The following SELENOF variants were observed in gnomAD, a reference collection of about 807,000 sequenced individuals.
The protein encoded by SELENOF is selenoprotein F.
SELENOF carries 16 observed loss-of-function variants against 20.5 expected under a neutral mutation model. That is an observed-to-expected ratio of 0.78 (90% CI 0.53 to 1.19). The LOEUF is 1.19. Among genes scored for constraint, SELENOF ranks in the 50% most tolerant of loss-of-function variants. The probability of loss-of-function intolerance (pLI) is 0.00; values close to 1 mark genes in which losing one functional copy is unlikely to be tolerated. For missense variants in SELENOF, 215 were observed against 194.2 expected, an observed-to-expected ratio of 1.11 and a Z score of -0.64; for synonymous variants, 78 against 74.5, an observed-to-expected ratio of 1.05 and a Z score of -0.24.
chr1:86,878,593 A>G (rs1275109241), intron 3 of SELENOF, among the ~76,000 whole-genome samples: 1 of 152,224 alleles, frequency 6.6e-6, no homozygotes, highest in Non-Finnish European at 1.5e-5. Flanking sequence ...GAGGCAGGAG[A>G]ATCACTTGAA....
chr1:86,864,563 G>A (rs1244606563), intron 4 of SELENOF, among the ~76,000 whole-genome samples: 1 of 151,886 alleles, frequency 6.6e-6, no homozygotes, highest in African/African-American at 2.4e-5. Context: ...CAACCCATTT[G>A]TGGAGTTTAG....
intron 2 of SELENOF, among the ~76,000 whole-genome samples, chr1:86,889,959 C>T (rs565469): frequency 0.26 from 39,430 of 152,114 alleles, 6,309 homozygotes; most frequent in African/African-American, 0.45. Context: ...TATTCCCCTC[C>T]GCCTTATCAA....
chr1:86,880,562 T>A (rs894452583), intron 3 of SELENOF, 100 bp downstream of exon 3: 90 of 612,340 alleles, frequency 1.5e-4, no homozygotes, highest in Middle Eastern at 4.0e-4. Flanking sequence ...GAAAGTATAA[T>A]CCTAAAAATT....
chr1:86,866,181 A>T (rs1199207040), intron 4 of SELENOF, among the ~76,000 whole-genome samples: 1 of 132,580 alleles, frequency 7.5e-6, no homozygotes, highest in South Asian at 2.5e-4. Flanking sequence ...TGGGTGACAG[A>T]GTAAGACCAT....
chr1:86,870,382 C>A (rs1440689716), intron 3 of SELENOF, among the ~76,000 whole-genome samples: 1 of 152,152 alleles, frequency 6.6e-6, no homozygotes. Flanking sequence ...TCCAGATATT[C>A]TGCAAACTCC....
intron 2 of SELENOF, among the ~76,000 whole-genome samples, chr1:86,886,760 G>C (rs1313715484): frequency 1.3e-5 from 2 of 151,954 alleles, no homozygotes; most frequent in African/African-American, 4.8e-5. Context: ...TCATATCTGA[G>C]GAATAACTGT....
At chr1:86,908,895 T>G (rs749393816) in intron 1 of SELENOF, among the ~76,000 whole-genome samples, 1 of 152,262 alleles carries the variant, frequency 6.6e-6, no homozygotes, top group Non-Finnish European at 1.5e-5. Flanking sequence ...CGATGTATTT[T>G]CAGATTAAAT....
rs1045434798 is a variant in SELENOF at position 86,903,519 on chromosome 1, C to A, written c.85-71G>T. Reference sequence around the variant, plus strand: ...TACAAAGCTTTCCAAAAAGAGAACACGGGGTTGTCAAAAACTAACACATTG... The same window carrying A: ...TACAAAGCTTTCCAAAAAGAGAACAAGGGGTTGTCAAAAACTAACACATTG... On this transcript the variant is annotated intron_variant, in intron 1 of 4. Transcript: ENST00000331835. 4 of 1,214,090 alleles carry A rather than the reference C, an allele frequency of 3.3e-6. No homozygotes were observed. The African/African-American group carries it at 6.3e-5, about 19-fold the overall frequency. The allele number at this position is 1,214,090 out of a possible 1,614,324, so 75.2% of individuals were successfully genotyped here. A position where few individuals can be genotyped will look rare whatever the true frequency, so the allele number is the denominator to read the frequency against.
intron 3 of SELENOF, among the ~76,000 whole-genome samples, chr1:86,877,719 T>G (rs1366108826): frequency 6.6e-6 from 1 of 152,212 alleles, no homozygotes; most frequent in Non-Finnish European, 1.5e-5. Flanking sequence ...ATACAGAGGT[T>G]GCCAAACGGA....
chr1:86,901,324 T>C (rs1413327207), intron 2 of SELENOF, among the ~76,000 whole-genome samples: 1 of 152,180 alleles, frequency 6.6e-6, no homozygotes, highest in Non-Finnish European at 1.5e-5. Context: ...TGCATGTGGT[T>C]TGCATCTAAA....
intron 3 of SELENOF, among the ~76,000 whole-genome samples, chr1:86,871,014 C>A (rs997272196): frequency 2.0e-5 from 3 of 151,944 alleles, no homozygotes; most frequent in African/African-American, 7.3e-5. Context: ...TTCATCAGTT[C>A]TTTCCTTTTC....
intron 3 of SELENOF, among the ~76,000 whole-genome samples, chr1:86,872,995 A>C (rs1296696936): frequency 6.6e-6 from 1 of 151,776 alleles, no homozygotes; most frequent in Admixed American, 6.6e-5. Context: ...AGCCAAAATC[A>C]CTGCAAGCGC....
At chr1:86,893,963 A>G (rs530474119) in intron 2 of SELENOF, among the ~76,000 whole-genome samples, 33 of 152,216 alleles carry the variant, frequency 2.2e-4, no homozygotes, top group Non-Finnish European at 4.0e-4. Flanking sequence ...AATATTGAAG[A>G]TAAGTGTTTT....
At chr1:86,901,593 C>T (rs561339090) in intron 2 of SELENOF, among the ~76,000 whole-genome samples, 72 of 152,302 alleles carry the variant, frequency 4.7e-4, no homozygotes, top group African/African-American at 1.7e-3. Context: ...ATCACTCCAG[C>T]TTGTAATTAG....
rs548190538 is a variant in SELENOF, at chr1:86,898,603, A to G, written c.252+4678T>C. 3.8e-3 allele frequency among the ~76,000 whole-genome samples: 525 copies of G among 137,138 alleles called. 2 individuals carry two copies. The highest frequency in any genetic ancestry group is 0.014 in the African/African-American group (510 of 36,220). 90.0% of individuals were successfully genotyped at this position (137,138 alleles called of 152,430 possible). ...TTCTTTTTTTTTTTTTTTTTTTGAG[A>G]CAGAATCTTGCTCTGTCGCCCAGGT... On this transcript the variant is annotated intron_variant, in intron 2 of 4. Coordinates refer to ENST00000331835, the MANE Select transcript of SELENOF (RefSeq NM_004261.5).
chr1:86,887,054 T>G (rs1057159265), intron 2 of SELENOF: 4 of 1,259,148 alleles, frequency 3.2e-6, no homozygotes, highest in African/African-American at 3.1e-5. Flanking sequence ...AGGGAAAATA[T>G]TATCACCTAA....
chr1:86,911,928 C>T (rs1342951564), intron 1 of SELENOF, among the ~76,000 whole-genome samples: 11 of 151,964 alleles, frequency 7.2e-5, no homozygotes, highest in Non-Finnish European at 2.9e-5. Context: ...TGCGCCACCA[C>T]GCCCAGCTAA....
intron 3 of SELENOF, among the ~76,000 whole-genome samples, chr1:86,877,984 A>G (rs1320233088): frequency 1.3e-5 from 2 of 152,228 alleles, no homozygotes; most frequent in African/African-American, 4.8e-5. Flanking sequence ...CATTCTTAAC[A>G]CAGAAGACTC....
In SELENOF at chr1:86,863,556, T is replaced by C; in HGVS notation, c.416A>G (p.Asn139Ser). ...PVLKLLDDNG[N>S]IAEELSILKW... ...GAGAATGCTCAGTTCTTCAGCAATG[T>C]TCCCATTGTCGTCCAAAAGCTTTAA... The change falls in exon 5 of 5, where the codon AAC becomes AGC. Residue 139 changes from asparagine (N) to serine (S), a missense_variant. Asn to Ser is a conservative substitution (Grantham distance 46, BLOSUM62 1). Coordinates refer to ENST00000331835, the MANE Select transcript of SELENOF (RefSeq NM_004261.5). 6.2e-7 allele frequency: 1 copy of C among 1,613,622 alleles called. No individual in the cohort carries two copies. Among genetic ancestry groups the C allele is most frequent in the East Asian group, 2.2e-5 (1 of 44,868 alleles).
Sources: allele counts gnomAD v4.1 joint callset (sites outside exome capture counted in the v4.1 genomes callset), GRCh38; gene constraint gnomAD v4.1.1; transcripts MANE v1.5; gene names NCBI Gene and HGNC (gene_info 2026-07-23, HGNC 2026-07-21).